ZBTB7C: variants seen among roughly 807,000 people sequenced by gnomAD.
The protein encoded by ZBTB7C is zinc finger and BTB domain containing 7C.
ZBTB7C carries 8 observed loss-of-function variants against 25.7 expected under a neutral mutation model. The observed-to-expected ratio is 0.31, with a 90% CI of 0.18 to 0.56. ZBTB7C has a LOEUF of 0.56. Ranked by LOEUF, ZBTB7C falls within the 20% of genes least tolerant of loss-of-function variation. ZBTB7C has a pLI of 0.91. For synonymous variants in ZBTB7C, 394 were observed against 369.0 expected, an observed-to-expected ratio of 1.07 and a Z score of -0.78; for missense variants, 824 against 855.2, an observed-to-expected ratio of 0.96 and a Z score of 0.46.
intron 1 of ZBTB7C, among the ~76,000 whole-genome samples, chr18:48,372,894 C>T (rs773351570): frequency 2.6e-5 from 4 of 152,148 alleles, no homozygotes; most frequent in African/African-American, 9.7e-5. Context: ...AACTGGCAAT[C>T]GTTCCTCAAT....
intron 3 of ZBTB7C, among the ~76,000 whole-genome samples, chr18:48,181,866 T>C (rs1461500806): frequency 1.3e-5 from 2 of 152,258 alleles, no homozygotes; most frequent in East Asian, 3.8e-4. Context: ...ACTATAATAG[T>C]TGTAGCTGCC....
At chr18:48,389,857 G>A (rs76387830) in intron 1 of ZBTB7C, among the ~76,000 whole-genome samples, 3,678 of 152,328 alleles carry the variant, frequency 0.024, 65 homozygotes, top group Non-Finnish European at 0.036. Flanking sequence ...ATTTTTGAAT[G>A]AATTAATGAA....
intron 2 of ZBTB7C, among the ~76,000 whole-genome samples, chr18:48,211,885 A>G (rs1198009510): frequency 1.3e-5 from 2 of 152,226 alleles, no homozygotes; most frequent in Non-Finnish European, 2.9e-5. Context: ...AAAAACCTGT[A>G]CATGAATGTT....
intron 1 of ZBTB7C, among the ~76,000 whole-genome samples, chr18:48,365,464 G>A (rs1346896853): frequency 6.6e-6 from 1 of 152,218 alleles, no homozygotes; most frequent in Non-Finnish European, 1.5e-5. Context: ...CTGGCTAGTA[G>A]AGTGGCACTA....
chr18:48,230,546 T>C (rs929843102), intron 2 of ZBTB7C, among the ~76,000 whole-genome samples: 12 of 152,204 alleles, frequency 7.9e-5, no homozygotes, highest in Non-Finnish European at 1.3e-4. Flanking sequence ...CTGGGACAGA[T>C]TTTTGGCCAT....
At chr18:48,230,437 C>T (rs2043221202) in intron 2 of ZBTB7C, among the ~76,000 whole-genome samples, 1 of 146,368 alleles carries the variant, frequency 6.8e-6, no homozygotes, top group Admixed American at 6.9e-5. Context: ...CCTTGCTCCT[C>T]AGTTTCCCCT....
intron 1 of ZBTB7C, among the ~76,000 whole-genome samples, chr18:48,351,603 T>A (rs939389489): frequency 7.2e-5 from 11 of 152,214 alleles, no homozygotes; most frequent in African/African-American, 2.7e-4. Context: ...AAAAACGCCG[T>A]TTTCCTGCTC....
chr18:48,131,510 A>C (rs1252113210), intron 3 of ZBTB7C, among the ~76,000 whole-genome samples: 4 of 152,158 alleles, frequency 2.6e-5, no homozygotes, highest in Non-Finnish European at 5.9e-5. Flanking sequence ...TCTTCAAACT[A>C]GGTGAGTTCC....
At chr18:48,358,260 G>A (rs2047022441) in intron 1 of ZBTB7C, among the ~76,000 whole-genome samples, 1 of 152,308 alleles carries the variant, frequency 6.6e-6, no homozygotes, top group Admixed American at 6.5e-5. Context: ...GCTGAGGCAG[G>A]AGAATTGCTT....
chr18:48,060,428 C>G (rs1295545376), intron 3 of ZBTB7C, among the ~76,000 whole-genome samples: 1 of 152,136 alleles, frequency 6.6e-6, no homozygotes, highest in Non-Finnish European at 1.5e-5. Flanking sequence ...TTCCTTGCTC[C>G]TGACTCAGTG....
intron 2 of ZBTB7C, among the ~76,000 whole-genome samples, chr18:48,269,088 G>A (rs2044399514): frequency 1.3e-5 from 2 of 151,654 alleles, no homozygotes; most frequent in African/African-American, 4.9e-5. Flanking sequence ...AGCCTCCTGA[G>A]TAGCTGGGAC....
intron 3 of ZBTB7C, among the ~76,000 whole-genome samples, chr18:48,078,063 A>T (rs1346383998): frequency 6.6e-6 from 1 of 152,146 alleles, no homozygotes; most frequent in Non-Finnish European, 1.5e-5. Flanking sequence ...AGACAGGTGG[A>T]GTAGAAGGCC....
chr18:48,067,507 G>C (rs1409357556), intron 3 of ZBTB7C, among the ~76,000 whole-genome samples: 1 of 152,176 alleles, frequency 6.6e-6, no homozygotes, highest in African/African-American at 2.4e-5. Context: ...CAGTAAAGCA[G>C]ATGACCTTTT....
intron 3 of ZBTB7C, among the ~76,000 whole-genome samples, chr18:48,070,620 C>T (rs745865887): frequency 6.6e-6 from 1 of 152,158 alleles, no homozygotes; most frequent in African/African-American, 2.4e-5. Context: ...CCAAGGAGGC[C>T]GTAGTTTGCA....
At chr18:48,380,353 T>C (rs192845830) in intron 1 of ZBTB7C, among the ~76,000 whole-genome samples, 8 of 152,228 alleles carry the variant, frequency 5.3e-5, no homozygotes, top group African/African-American at 1.9e-4. Flanking sequence ...GGATGGCAGA[T>C]GGTGGGAGCC....
rs945721653 is a variant in ZBTB7C, at chr18:48,375,244, C to T, written c.-304+33982G>A. On this transcript the variant is annotated intron_variant, in intron 1 of 4. Transcript: ENST00000590800. ...AACCCAGATGTGGGGGAAACCCACC[C>T]GCAGTCTCTCCCCGCCTGGTGTGCT... Among the ~76,000 whole-genome samples the T allele has an allele frequency of 5.3e-5, 8 of 152,346 alleles. No individual in the cohort carries two copies. In the East Asian group the frequency reaches 5.8e-4, roughly 11 times the overall value.
At chr18:48,243,855 A>G (rs550719164) in intron 2 of ZBTB7C, among the ~76,000 whole-genome samples, 1 of 152,302 alleles carries the variant, frequency 6.6e-6, no homozygotes, top group South Asian at 2.1e-4. Context: ...GAATAGAGAA[A>G]CCAGGAATAA....
intron 1 of ZBTB7C, among the ~76,000 whole-genome samples, chr18:48,399,418 A>G (rs1599043122): frequency 6.6e-6 from 1 of 152,262 alleles, no homozygotes; most frequent in East Asian, 1.9e-4. Context: ...CTGCTTTAGG[A>G]AAACATAAAA....
intron 2 of ZBTB7C, among the ~76,000 whole-genome samples, chr18:48,219,603 T>C (rs1445199514): frequency 1.3e-5 from 2 of 152,136 alleles, no homozygotes; most frequent in African/African-American, 2.4e-5. Context: ...CACTCAGGCA[T>C]TGACAACCCA....
Sources: allele counts gnomAD v4.1 joint callset (sites outside exome capture counted in the v4.1 genomes callset), GRCh38; gene constraint gnomAD v4.1.1; transcripts MANE v1.5; gene names NCBI Gene and HGNC (gene_info 2026-07-23, HGNC 2026-07-21).